Variants in DTNA observed in about 807,000 individuals in gnomAD.
DTNA encodes dystrobrevin alpha, also known as dystrophin-related protein 3.
In DTNA, 43 loss-of-function variants were observed where a neutral mutation model predicts 100.7. That is an observed-to-expected ratio of 0.43 (90% CI 0.33 to 0.55). The LOEUF is 0.55. Ranked by LOEUF, DTNA falls within the 20% of genes least tolerant of loss-of-function variation. The probability of loss-of-function intolerance (pLI) is 0.04; values close to 1 mark genes in which losing one functional copy is unlikely to be tolerated. For missense variants in DTNA, 798 were observed against 953.9 expected (o/e 0.84, Z 2.15); for synonymous variants, 349 against 347.9 (o/e 1.00, Z -0.04).
intron 1 of DTNA, among the ~76,000 whole-genome samples, chr18:34,731,201 C>T (rs552507829): frequency 3.9e-5 from 6 of 152,254 alleles, no homozygotes; most frequent in South Asian, 2.1e-4. Flanking sequence ...GATTTGTGGC[C>T]GGGCGCGGTG....
At chr18:34,884,843 G>A (rs140571176) in intron 22 of DTNA, 67 bp downstream of exon 22, 1,059 of 1,530,060 alleles carry the variant, frequency 6.9e-4, no homozygotes, top group Non-Finnish European at 9.1e-4. Context: ...CCTGTAATGC[G>A]AATTCACAAT....
chr18:34,627,881 C>T (rs535079642), intron 1 of DTNA, among the ~76,000 whole-genome samples: 7 of 152,272 alleles, frequency 4.6e-5, no homozygotes, highest in African/African-American at 1.2e-4. Context: ...TTTCTTCTAA[C>T]ATTAGTTACT....
intron 1 of DTNA, among the ~76,000 whole-genome samples, chr18:34,573,254 A>G (rs1425705561): frequency 6.6e-6 from 1 of 152,228 alleles, no homozygotes; most frequent in African/African-American, 2.4e-5. Context: ...TCTGCTGGGC[A>G]AAGCAGAAAG....
intron 1 of DTNA, among the ~76,000 whole-genome samples, chr18:34,515,150 A>G (rs2145035533): frequency 6.6e-6 from 1 of 152,154 alleles, no homozygotes; most frequent in Non-Finnish European, 1.5e-5. Context: ...CTCTACCCTA[A>G]CGTCAGCTCT....
intron 1 of DTNA, among the ~76,000 whole-genome samples, chr18:34,536,923 T>C (rs957948645): frequency 2.0e-5 from 3 of 151,920 alleles, no homozygotes; most frequent in African/African-American, 2.4e-5. Context: ...AGGATACAGG[T>C]ATCTTTGTTG....
At chr18:34,769,001 T>C in intron 3 of DTNA, among the ~76,000 whole-genome samples, 1 of 152,132 alleles carries the variant, frequency 6.6e-6, no homozygotes, top group East Asian at 1.9e-4. Flanking sequence ...ATCAGGAAAG[T>C]CTTATTTATT....
intron 1 of DTNA, among the ~76,000 whole-genome samples, chr18:34,743,126 C>T (rs1305347073): frequency 2.0e-5 from 3 of 152,112 alleles, no homozygotes; most frequent in Non-Finnish European, 2.9e-5. Flanking sequence ...GGAACAGATC[C>T]AGAGGCAAGA....
At chr18:34,851,313 A>C (rs1603237279) in intron 14 of DTNA, among the ~76,000 whole-genome samples, 1 of 151,994 alleles carries the variant, frequency 6.6e-6, no homozygotes, top group Non-Finnish European at 1.5e-5. Context: ...TGTTGGCCAG[A>C]CTGGTCTCAA....
chr18:34,704,196 G>T (rs2081815026), intron 1 of DTNA, among the ~76,000 whole-genome samples: 1 of 152,074 alleles, frequency 6.6e-6, no homozygotes, highest in Non-Finnish European at 1.5e-5. Context: ...CATATTACTT[G>T]ATATGTAGTT....
intron 1 of DTNA, among the ~76,000 whole-genome samples, chr18:34,518,712 T>TGC (rs1215680088): frequency 8.8e-6 from 1 of 114,254 alleles, no homozygotes; most frequent in African/African-American, 3.6e-5. Flanking sequence ...AACGTGTGTG[T>TGC]GTGTGTGTGT....
intron 1 of DTNA, among the ~76,000 whole-genome samples, chr18:34,655,660 C>A (rs983211357): frequency 6.6e-6 from 1 of 152,004 alleles, no homozygotes; most frequent in Non-Finnish European, 1.5e-5. Context: ...TAAATTGTGT[C>A]CTCTTTTCTA....
intron 1 of DTNA, chr18:34,755,706 T>C (rs969020358): frequency 1.7e-5 from 7 of 411,578 alleles, no homozygotes; most frequent in African/African-American, 1.2e-4. Flanking sequence ...TATTTAGTTA[T>C]AGCACAAGGT....
intron 1 of DTNA, among the ~76,000 whole-genome samples, chr18:34,612,454 G>A (rs1452176346): frequency 6.6e-6 from 1 of 152,172 alleles, no homozygotes; most frequent in Non-Finnish European, 1.5e-5. Context: ...GAAGGAGAAT[G>A]AACTCATAGG....
At position 34,868,129 on chromosome 18, in the gene DTNA, T is replaced by TA. The variant is rs1034659113; in HGVS notation, c.1743+4068dup. ...TGCTAATCTTAAGGGACAAGGATGTTACTCTGCATGTTCTGGCAATGAAGC... is the reference window on the plus strand; with the variant it reads ...TGCTAATCTTAAGGGACAAGGATGTTAACTCTGCATGTTCTGGCAATGAAGC... On this transcript the variant is annotated intron_variant, in intron 17 of 22. Coordinates refer to ENST00000444659, the MANE Select transcript of DTNA (RefSeq NM_001386795.1). 2.8e-5 allele frequency: 16 copies of TA among 574,850 alleles called. No homozygotes were observed. The African/African-American group carries it at 3.1e-4, about 11-fold the overall frequency. The allele number at this position is 574,850 out of a possible 1,614,324, so 35.6% of individuals were successfully genotyped here.
chr18:34,508,788 A>G (rs1317000139), intron 1 of DTNA, among the ~76,000 whole-genome samples: 1 of 152,162 alleles, frequency 6.6e-6, no homozygotes, highest in African/African-American at 2.4e-5. Context: ...CTTTTGGATT[A>G]GGCATCACAT....
intron 1 of DTNA, among the ~76,000 whole-genome samples, chr18:34,549,164 TTC>T (rs2045125356): frequency 6.6e-6 from 1 of 152,012 alleles, no homozygotes; most frequent in Non-Finnish European, 1.5e-5. Context: ...GCATTGTCAT[TTC>T]TCTCTAAGAA....
At position 34,862,204 on chromosome 18, in the gene DTNA, G is replaced by A. The variant is rs367792524; in HGVS notation, c.1647-1762G>A. Among the ~76,000 whole-genome samples, 235 of 150,938 alleles carry A rather than the reference G, an allele frequency of 1.6e-3. 3 individuals carry two copies. Among genetic ancestry groups the A allele is most frequent in the African/African-American group, 5.4e-3 (224 of 41,248 alleles). On this transcript the variant is annotated intron_variant, in intron 16 of 22. Coordinates refer to ENST00000444659, the MANE Select transcript of DTNA (RefSeq NM_001386795.1). ...GAGGAATATTCTTGAATGGGGCAAG[G>A]CTTTTGAAATTAGAATGCTTCAACC...
At chr18:34,701,772 G>A (rs572795919) in intron 1 of DTNA, among the ~76,000 whole-genome samples, 76 of 152,130 alleles carry the variant, frequency 5.0e-4, no homozygotes, top group African/African-American at 1.6e-3. Context: ...ATTCTCACTC[G>A]TTTTCCCACA....
intron 7 of DTNA, 193 bp from the exon 8 acceptor site, chr18:34,817,971 T>C (rs1448388167): frequency 6.8e-6 from 10 of 1,474,000 alleles, no homozygotes; most frequent in African/African-American, 1.4e-5. Context: ...TTTCATTTCA[T>C]TTCCCCACAG....
Sources: allele counts gnomAD v4.1 joint callset (sites outside exome capture counted in the v4.1 genomes callset), GRCh38; gene constraint gnomAD v4.1.1; transcripts MANE v1.5; gene names NCBI Gene and HGNC (gene_info 2026-07-23, HGNC 2026-07-21).